APAF1: variants seen among roughly 807,000 people sequenced by gnomAD.
The protein encoded by APAF1 is apoptotic protease-activating factor 1.
Under a neutral mutation model 152.4 loss-of-function variants are expected in APAF1, and 91 were observed. The ratio of observed to expected loss-of-function variants is 0.60; its 90% CI spans 0.50 to 0.71. The LOEUF is 0.71. APAF1 is among the 30% of genes least tolerant of loss of function. APAF1 has a pLI of 0.00. For missense variants in APAF1, 1,283 were observed against 1,472.0 expected (o/e 0.87, Z 2.10); for synonymous variants, 484 against 494.1 (o/e 0.98, Z 0.27).
chr12:98,712,149 G>A (rs941172037), intron 20 of APAF1, among the ~76,000 whole-genome samples, 170 bp from the exon 21 acceptor site: 4 of 152,206 alleles, frequency 2.6e-5, no homozygotes, highest in African/African-American at 7.2e-5. Flanking sequence ...ATGAAAGTGT[G>A]AAGTGCTAAA....
At position 98,706,594 on chromosome 12, in the gene APAF1, A is replaced by G. The variant is rs1401919701; in HGVS notation, c.2705A>G (p.Asp902Gly). 6 of 1,613,990 alleles carry G rather than the reference A, an allele frequency of 3.7e-6. No individual in the cohort carries two copies. Among genetic ancestry groups the G allele is most frequent in the Non-Finnish European group, 5.1e-6 (6 of 1,179,920 alleles). The change falls in exon 19 of 27, where the codon GAT becomes GGT. Residue 902 changes from aspartate to glycine, a missense_variant. Physicochemically the swap from Asp to Gly is moderately conservative, Grantham distance 94. Coordinates refer to ENST00000551964, the MANE Select transcript of APAF1 (RefSeq NM_181861.2). ...GGATCATCATTTTTGACATCTTCTG[A>G]TGACCAGACAATCAGGGTGAGAAAT... ...PDGSSFLTSSDDQTIRLWETK... is the reference protein window; with the variant it reads ...PDGSSFLTSSGDQTIRLWETK...
intron 16 of APAF1, among the ~76,000 whole-genome samples, chr12:98,698,843 A>G (rs1007573): frequency 0.12 from 18,566 of 152,244 alleles, 1,205 homozygotes; most frequent in East Asian, 0.25. Flanking sequence ...CAAAGTTTAC[A>G]GTATTTTGTA....
intron 16 of APAF1, among the ~76,000 whole-genome samples, chr12:98,687,148 A>G (rs2097698841): frequency 6.6e-6 from 1 of 152,092 alleles, no homozygotes; most frequent in Non-Finnish European, 1.5e-5. Context: ...GTGGATCACA[A>G]GGTCAGGAGT....
At chr12:98,668,668 C>A (rs1226217828) in intron 10 of APAF1, among the ~76,000 whole-genome samples, 1 of 152,052 alleles carries the variant, frequency 6.6e-6, no homozygotes, top group Non-Finnish European at 1.5e-5. Context: ...AAGATGACTC[C>A]AAGAATCAAA....
At chr12:98,650,148 A>C (rs925340302) in intron 4 of APAF1, among the ~76,000 whole-genome samples, 1 of 152,104 alleles carries the variant, frequency 6.6e-6, no homozygotes, top group Non-Finnish European at 1.5e-5. Flanking sequence ...TTCTCTCTGT[A>C]TGACACTTCT....
chr12:98,705,403 A>C (rs910921816), intron 18 of APAF1, among the ~76,000 whole-genome samples: 2 of 152,108 alleles, frequency 1.3e-5, no homozygotes, highest in African/African-American at 4.8e-5. Context: ...AACCACTTTC[A>C]TTTTTGGCCC....
intron 7 of APAF1, among the ~76,000 whole-genome samples, chr12:98,663,316 C>A (rs1190865599): frequency 1.3e-5 from 2 of 152,044 alleles, no homozygotes; most frequent in Admixed American, 1.3e-4. Flanking sequence ...TCTAAATACT[C>A]AAAAAATAGA....
chr12:98,647,253 TAAA>T (rs199625521), intron 1 of APAF1, among the ~76,000 whole-genome samples: 2 of 125,396 alleles, frequency 1.6e-5, no homozygotes, highest in Non-Finnish European at 1.7e-5. Context: ...CCGTCTGTAC[TAAA>T]AAAAAAAAAA....
chr12:98,650,288 GCC>G (rs2097647305), intron 4 of APAF1, among the ~76,000 whole-genome samples: 3 of 151,920 alleles, frequency 2.0e-5, no homozygotes, highest in African/African-American at 7.3e-5. Context: ...TTCAAGACCA[GCC>G]TGGGCAACAT....
intron 16 of APAF1, among the ~76,000 whole-genome samples, chr12:98,689,696 G>A (rs555781533): frequency 6.6e-6 from 1 of 152,200 alleles, no homozygotes; most frequent in Admixed American, 6.5e-5. Context: ...AAGCTCAAGC[G>A]ATCCTCCCAC....
At chr12:98,726,200 T>A (rs1022507749) in intron 25 of APAF1, among the ~76,000 whole-genome samples, 2 of 152,382 alleles carry the variant, frequency 1.3e-5, no homozygotes, top group African/African-American at 4.8e-5. Flanking sequence ...ATTTTGACTT[T>A]TAGAAAACAA....
At chr12:98,683,672 G>C (rs1477549198) in intron 15 of APAF1, among the ~76,000 whole-genome samples, 1 of 152,180 alleles carries the variant, frequency 6.6e-6, no homozygotes, top group Non-Finnish European at 1.5e-5. Flanking sequence ...TCTAATTTTA[G>C]AGAAGCCTTT....
rs1201378612 is a variant in APAF1 at position 98,714,758 on chromosome 12, TG to T, written c.2959-668del. 3.3e-5 allele frequency among the ~76,000 whole-genome samples: 5 copies of T among 152,306 alleles called. No homozygotes were observed. In the East Asian group the frequency reaches 7.7e-4, roughly 23 times the overall value. On this transcript the variant is annotated intron_variant, in intron 21 of 26. Coordinates refer to ENST00000551964, the MANE Select transcript of APAF1 (RefSeq NM_181861.2). ...CATCTGTATTTTCCTTAGGCTTTCT[TG>T]AGTACATTTTAATTTGGTCAATGAA... is the stretch of plus-strand genomic sequence containing the variant.
chr12:98,689,584 T>A (rs888271232), intron 16 of APAF1, among the ~76,000 whole-genome samples: 1 of 152,062 alleles, frequency 6.6e-6, no homozygotes, highest in African/African-American at 2.4e-5. Context: ...CTCAACCGCC[T>A]GAGTAGCTGG....
rs111411987 is a variant in APAF1 at position 98,700,202 on chromosome 12, C to T, written c.2466+633C>T. 3.2e-3 allele frequency among the ~76,000 whole-genome samples: 482 copies of T among 152,202 alleles called. 6 individuals are homozygous for T. The highest frequency in any genetic ancestry group is 0.011 in the African/African-American group (458 of 41,528). On this transcript the variant is annotated intron_variant, in intron 17 of 26. Coordinates refer to ENST00000551964, the MANE Select transcript of APAF1 (RefSeq NM_181861.2). ...TTTGATATAAGTATTCAAGAAGCAGCGGGTTACAGTAGCCCTATGATAATA... is the reference window on the plus strand; with the variant it reads ...TTTGATATAAGTATTCAAGAAGCAGTGGGTTACAGTAGCCCTATGATAATA...
At chr12:98,691,234 T>A (rs2097703872) in intron 16 of APAF1, among the ~76,000 whole-genome samples, 1 of 152,080 alleles carries the variant, frequency 6.6e-6, no homozygotes, top group Admixed American at 6.6e-5. Flanking sequence ...CCTGTACTTG[T>A]ACCTACTGTT....
intron 7 of APAF1, among the ~76,000 whole-genome samples, chr12:98,664,851 C>T (rs1314387978): frequency 1.3e-5 from 2 of 151,638 alleles, no homozygotes; most frequent in African/African-American, 4.8e-5. Context: ...TACCCTTTTT[C>T]TATATCTTGA....
intron 13 of APAF1, among the ~76,000 whole-genome samples, chr12:98,678,474 A>G (rs1306258566): frequency 6.6e-6 from 1 of 152,070 alleles, no homozygotes; most frequent in Non-Finnish European, 1.5e-5. Flanking sequence ...ACAGCTGTGG[A>G]CCTGGGAACC....
At chr12:98,658,682 G>A (rs756729987) in intron 4 of APAF1, among the ~76,000 whole-genome samples, 4 of 152,158 alleles carry the variant, frequency 2.6e-5, no homozygotes, top group Admixed American at 1.3e-4. Context: ...CACCCCCCCA[G>A]GTGACATTTG....
Sources: gnomAD v4.1 joint callset for allele counts (sites outside exome capture counted in the v4.1 genomes callset) on GRCh38, gnomAD v4.1.1 for gene constraint, MANE v1.5 for transcripts, NCBI Gene and HGNC (gene_info 2026-07-23, HGNC 2026-07-21) for gene names.